The following CALD1 variants were observed in gnomAD, a reference collection of about 807,000 sequenced individuals.
The protein encoded by CALD1 is caldesmon 1, also known as caldesmon.
Under a neutral mutation model 99.9 loss-of-function variants are expected in CALD1, and 33 were observed. That is an observed-to-expected ratio of 0.33 (90% confidence interval 0.25 to 0.44). CALD1 has a LOEUF of 0.44. CALD1 is among the 20% of genes least tolerant of loss of function. The pLI, the probability that CALD1 is intolerant of heterozygous loss-of-function variation, is 1.00. For synonymous variants in CALD1, 310 were observed against 325.0 expected (o/e 0.95, Z 0.50); for missense variants, 861 against 962.1 (o/e 0.89, Z 1.39).
Position 134,933,664 on chromosome 7 carries a change from GA to G in CALD1, c.900del (p.Ala301GlnfsTer17). The G allele has an allele frequency of 1.2e-6, 2 of 1,600,114 alleles. No individual in the cohort carries two copies. The highest frequency in any genetic ancestry group is 1.7e-6 in the Non-Finnish European group (2 of 1,172,638). On this transcript the variant is annotated frameshift_variant, in exon 5 of 15. Coordinates refer to ENST00000361675, the MANE Select transcript of CALD1 (RefSeq NM_033138.4). LOFTEE classifies it high-confidence loss of function. Reference sequence around the variant, plus strand: ...TGAACGAGCAAGAATTGAAGCAGAAGAAAAAGCAGCTGCCCAAGAAAGAGAA... The same window carrying G: ...TGAACGAGCAAGAATTGAAGCAGAAGAAAAGCAGCTGCCCAAGAAAGAGAA... ...ADERARIEAEEKAAAQERERR... is the reference protein window; with the variant it reads ...ADERARIEAEXKAAAQERERR...
Position 134,763,866 on chromosome 7 carries a change from C to A in CALD1, c.-130+19503C>A, listed in dbSNP as rs10230320. On this transcript the variant is annotated intron_variant, in intron 1 of 13. Coordinates refer to the CALD1 transcript ENST00000417172. The stretch of plus-strand genomic sequence containing the variant: ...CCAGGAGGCAGAGTTTGCAGTGAGC[C>A]GAGATCGTGCCATTGCACTCCAGCC... 4.9e-3 allele frequency among the ~76,000 whole-genome samples: 732 copies of A among 148,150 alleles called. 8 individuals are homozygous for A. Among genetic ancestry groups the A allele is most frequent in the Non-Finnish European group, 6.7e-3 (450 of 67,638 alleles).
chr7:134,735,870 A>C, the CALD1 span, among the ~76,000 whole-genome samples: 3 of 152,150 alleles, frequency 2.0e-5, no homozygotes, highest in Non-Finnish European at 4.4e-5. Flanking sequence ...TAAAGTCCTT[A>C]AACACTATCC....
chr7:134,732,467 T>C, the CALD1 span, among the ~76,000 whole-genome samples: 1 of 152,172 alleles, frequency 6.6e-6, no homozygotes, highest in Non-Finnish European at 1.5e-5. Flanking sequence ...CCTTATAAAA[T>C]AGGCTTAAGG....
intron 3 of CALD1, among the ~76,000 whole-genome samples, chr7:134,882,064 C>T (rs1317130490): frequency 6.6e-6 from 1 of 152,198 alleles, no homozygotes; most frequent in East Asian, 1.9e-4. Context: ...TTGAAAGCAA[C>T]CGTAGATCAG....
At chr7:134,846,572 T>G (rs1038550213) in intron 2 of CALD1, among the ~76,000 whole-genome samples, 23 of 152,356 alleles carry the variant, frequency 1.5e-4, no homozygotes, top group African/African-American at 5.5e-4. Context: ...TCTTTTATTT[T>G]CCAAAGTGTT....
intron 3 of CALD1, among the ~76,000 whole-genome samples, chr7:134,898,356 A>G (rs1206077500): frequency 6.6e-6 from 1 of 152,224 alleles, no homozygotes; most frequent in African/African-American, 2.4e-5. Flanking sequence ...TACTTTTACA[A>G]TTAAAATTTA....
intron 2 of CALD1, among the ~76,000 whole-genome samples, chr7:134,844,849 C>T (rs985641750): frequency 6.6e-6 from 1 of 152,180 alleles, no homozygotes; most frequent in Non-Finnish European, 1.5e-5. Flanking sequence ...CAAATTTCCT[C>T]TTCTTGTAAA....
chr7:134,845,997 C>T (rs1043943878), intron 2 of CALD1, among the ~76,000 whole-genome samples: 5 of 152,194 alleles, frequency 3.3e-5, no homozygotes, highest in Non-Finnish European at 7.3e-5. Context: ...CCTTCTCCTA[C>T]CCACCTTTGC....
chr7:134,946,137 C>T (rs928350001), intron 7 of CALD1, among the ~76,000 whole-genome samples: 3 of 152,008 alleles, frequency 2.0e-5, no homozygotes, highest in Non-Finnish European at 4.4e-5. Flanking sequence ...CTACATGCCT[C>T]CCTTTCTAAT....
At chr7:134,955,152 G>T (rs1462614470) in intron 9 of CALD1, among the ~76,000 whole-genome samples, 2 of 152,184 alleles carry the variant, frequency 1.3e-5, no homozygotes, top group Non-Finnish European at 2.9e-5. Context: ...AGCACTTTGG[G>T]AGTCCAAGGT....
chr7:134,962,840 C>G (rs1320965660), intron 13 of CALD1: 1 of 456,618 alleles, frequency 2.2e-6, no homozygotes, highest in Non-Finnish European at 4.4e-6. Context: ...GTTCCTCACT[C>G]TTTGGTCTCT....
upstream of CALD1, chr7:134,779,352 G>A (rs1797014524): frequency 3.8e-6 from 1 of 263,152 alleles, no homozygotes; most frequent in South Asian, 1.7e-4. Flanking sequence ...AAAGGGCATG[G>A]AGCAGGCTGG....
intron 2 of CALD1, among the ~76,000 whole-genome samples, chr7:134,861,085 G>A (rs1227587065): frequency 1.3e-5 from 2 of 152,194 alleles, no homozygotes; most frequent in Admixed American, 6.5e-5. Flanking sequence ...GAAGGAGGAA[G>A]AAGCATGGAT....
intron 1 of CALD1, among the ~76,000 whole-genome samples, chr7:134,765,520 T>G (rs185505173): frequency 6.6e-6 from 1 of 152,154 alleles, no homozygotes; most frequent in South Asian, 2.1e-4. Flanking sequence ...ACTGCACTTA[T>G]GCGATTCCAT....
chr7:134,890,171 C>T (rs1802082315), intron 3 of CALD1, among the ~76,000 whole-genome samples: 1 of 152,202 alleles, frequency 6.6e-6, no homozygotes, highest in Non-Finnish European at 1.5e-5. Flanking sequence ...TCCCCGAGTG[C>T]TGGGATTACA....
intron 1 of CALD1, among the ~76,000 whole-genome samples, chr7:134,784,872 T>C (rs1188138099): frequency 6.6e-6 from 1 of 152,190 alleles, no homozygotes; most frequent in Non-Finnish European, 1.5e-5. Context: ...CCTCTTTCTG[T>C]TGTTCTATCA....
intron 1 of CALD1, among the ~76,000 whole-genome samples, chr7:134,814,192 A>G (rs1324964001): frequency 6.6e-6 from 1 of 152,172 alleles, no homozygotes; most frequent in Non-Finnish European, 1.5e-5. Context: ...TCTGTGATAC[A>G]AAGGGTATGG....
chr7:134,864,517 G>C (rs1800715800), intron 2 of CALD1, among the ~76,000 whole-genome samples: 1 of 151,668 alleles, frequency 6.6e-6, no homozygotes, highest in Non-Finnish European at 1.5e-5. Flanking sequence ...TCCTGCCTCA[G>C]CCTCCTGAGT....
At chr7:134,905,585 G>T (rs1467045675) in intron 3 of CALD1, among the ~76,000 whole-genome samples, 1 of 151,996 alleles carries the variant, frequency 6.6e-6, no homozygotes, top group Non-Finnish European at 1.5e-5. Context: ...GCTAGTCTTT[G>T]AGTGGGTGAA....
Sources: allele counts gnomAD v4.1 joint callset (sites outside exome capture counted in the v4.1 genomes callset), GRCh38; gene constraint gnomAD v4.1.1; transcripts MANE v1.5; gene names NCBI Gene and HGNC (gene_info 2026-07-23, HGNC 2026-07-21).